The following THNSL1 variants were observed in gnomAD, a reference collection of about 807,000 sequenced individuals.
THNSL1 encodes the protein threonine synthase like 1.
A neutral mutation model predicts 50.4 loss-of-function variants in THNSL1; 48 were observed. The observed-to-expected ratio is 0.95, with a 90% CI of 0.76 to 1.21. The LOEUF is 1.21. THNSL1 is among the 50% of genes most tolerant of loss of function. THNSL1 has a pLI of 0.00. For missense variants in THNSL1, 896 were observed against 871.7 expected, an observed-to-expected ratio of 1.03 and a Z score of -0.35; for synonymous variants, 309 against 306.1, an observed-to-expected ratio of 1.01 and a Z score of -0.10.
chr10:24,956,073 A>T, the THNSL1 span, among the ~76,000 whole-genome samples: 2 of 152,332 alleles, frequency 1.3e-5, no homozygotes, highest in East Asian at 1.9e-4. Context: ...AATTATTAAA[A>T]TAATGAGATT....
the THNSL1 span, among the ~76,000 whole-genome samples, chr10:24,958,071 C>G: frequency 6.6e-6 from 1 of 152,128 alleles, no homozygotes; most frequent in Admixed American, 6.5e-5. Flanking sequence ...TGAATTGTTC[C>G]TAGCCCGTCA....
At chr10:24,952,759 C>G in the THNSL1 span, among the ~76,000 whole-genome samples, 1 of 151,658 alleles carries the variant, frequency 6.6e-6, no homozygotes, top group South Asian at 2.1e-4. This position sits in a 1 kb window ranked among gnomAD's most constrained non-coding sequence, Gnocchi z 5.1. Context: ...TCCATGGCCC[C>G]GGCGCTGCGC....
chr10:25,024,918 T>TA lies in THNSL1; in HGVS notation c.1696dup (p.Ile566AsnfsTer16). On this transcript the variant is annotated frameshift_variant, in exon 3 of 3. Transcript: ENST00000376356. LOFTEE classifies it high-confidence loss of function. The stretch of plus-strand genomic sequence containing the variant: ...CACAAACCTTTTCACCGTCAATAGA[T>TA]ATTCTCAAATCTTCAAACCTAGAAC... 6.2e-7 allele frequency: 1 copy of TA among 1,613,940 alleles called. No individual in the cohort carries two copies. Among genetic ancestry groups the TA allele is most frequent in the East Asian group, 2.2e-5 (1 of 44,882 alleles).
the THNSL1 span, among the ~76,000 whole-genome samples, chr10:25,011,608 T>C: frequency 6.6e-6 from 1 of 152,130 alleles, no homozygotes; most frequent in Non-Finnish European, 1.5e-5. Context: ...ACTTAAACGT[T>C]AGACCTGCAA....
chr10:25,003,409 G>A, the THNSL1 span, among the ~76,000 whole-genome samples: 3 of 152,138 alleles, frequency 2.0e-5, no homozygotes, highest in Non-Finnish European at 2.9e-5. Context: ...GTTTTACCAC[G>A]TTGGCCAGGC....
rs1362376145 is a variant in THNSL1 at position 25,023,938 on chromosome 10, C to T, written c.715C>T (p.Pro239Ser). The change falls in exon 3 of 3, where the codon CCT (proline) becomes TCT (serine). Residue 239 changes from proline (P) to serine (S), a missense_variant. Coordinates refer to ENST00000376356, the MANE Select transcript of THNSL1 (RefSeq NM_024838.5). ...ETFISTRHVW[P>S]EDCEQKVSAK... ...ATTCATTTCAACAAGACACGTTTGG[C>T]CTGAAGACTGTGAACAGAAGGTTTC... The T allele has an allele frequency of 1.2e-6, 2 of 1,614,016 alleles. No individual in the cohort carries two copies. The highest frequency in any genetic ancestry group is 1.3e-5 in the African/African-American group (1 of 74,922).
chr10:25,006,850 T>G, the THNSL1 span, among the ~76,000 whole-genome samples: 1 of 152,212 alleles, frequency 6.6e-6, no homozygotes, highest in Non-Finnish European at 1.5e-5. Context: ...CAGCCCTTGT[T>G]TTTCCTCATT....
upstream of THNSL1, among the ~76,000 whole-genome samples, chr10:25,013,099 G>T (rs1183059388): frequency 6.6e-6 from 1 of 152,190 alleles, no homozygotes; most frequent in African/African-American, 2.4e-5. Context: ...CTGCCACCAT[G>T]TAAGATGTGA....
At chr10:25,004,177 C>T in the THNSL1 span, among the ~76,000 whole-genome samples, 5 of 152,298 alleles carry the variant, frequency 3.3e-5, no homozygotes, top group South Asian at 1.0e-3. Context: ...CAGTCTATCA[C>T]TGATGGGCAT....
At chr10:24,964,040 A>G in the THNSL1 span, among the ~76,000 whole-genome samples, 4,679 of 152,350 alleles carry the variant, frequency 0.031, 104 homozygotes, top group South Asian at 0.07. Flanking sequence ...TTGGAGCTCC[A>G]TGATTCTTTG....
chr10:25,013,806 G>A (rs12773928), upstream of THNSL1, among the ~76,000 whole-genome samples: 17,889 of 152,120 alleles, frequency 0.12, 1,346 homozygotes, highest in South Asian at 0.21. Context: ...GCCAGGCATG[G>A]TAGCAGGGAC....
chr10:25,004,013 C>T, the THNSL1 span, among the ~76,000 whole-genome samples: 1 of 152,230 alleles, frequency 6.6e-6, no homozygotes, highest in African/African-American at 2.4e-5. Flanking sequence ...GGACTCTGAA[C>T]TCTGGAGACT....
At chr10:25,009,247 G>C in the THNSL1 span, among the ~76,000 whole-genome samples, 2 of 149,744 alleles carry the variant, frequency 1.3e-5, no homozygotes, top group East Asian at 3.9e-4. Flanking sequence ...CTAAACCTTA[G>C]AGTATAATAA....
upstream of THNSL1, among the ~76,000 whole-genome samples, chr10:25,013,834 C>T (rs1055820839): frequency 5.9e-5 from 9 of 151,752 alleles, no homozygotes; most frequent in Non-Finnish European, 7.4e-5. Context: ...CCCAGCTACT[C>T]GGGAGGCTGA....
At chr10:25,007,484 G>C in the THNSL1 span, among the ~76,000 whole-genome samples, 1 of 152,144 alleles carries the variant, frequency 6.6e-6, no homozygotes, top group African/African-American at 2.4e-5. Context: ...ACCCAGGCTG[G>C]AGTGCAGAGG....
At chr10:24,970,488 T>C in the THNSL1 span, among the ~76,000 whole-genome samples, 1 of 151,704 alleles carries the variant, frequency 6.6e-6, no homozygotes, top group Non-Finnish European at 1.5e-5. Context: ...GGCAGGAAGA[T>C]CACTTGAGGC....
rs770192962 is a variant in THNSL1, at chr10:25,023,906, C to T, written c.683C>T (p.Ser228Leu). ...NAIKRYQDVD[S>L]ETFISTRHVW... is the part of the protein sequence containing the mutation. Reference sequence around the variant, plus strand: ...ATTAAAAGATACCAAGATGTGGACTCGGAAACATTCATTTCAACAAGACAC... The same window carrying T: ...ATTAAAAGATACCAAGATGTGGACTTGGAAACATTCATTTCAACAAGACAC... The change falls in exon 3 of 3, where the codon TCG becomes TTG. Residue 228 changes from serine to leucine, a missense_variant. Ser to Leu is a moderately radical substitution (Grantham distance 145, BLOSUM62 -2). Transcript: ENST00000376356. 2.4e-5 allele frequency: 39 copies of T among 1,613,990 alleles called. No individual in the cohort carries two copies. Among genetic ancestry groups the T allele is most frequent in the African/African-American group, 4.0e-5 (3 of 74,918 alleles).
At chr10:24,953,029 CCTT>C in the THNSL1 span, among the ~76,000 whole-genome samples, 1 of 152,098 alleles carries the variant, frequency 6.6e-6, no homozygotes, top group African/African-American at 2.4e-5. Flanking sequence ...CTAACAATCT[CCTT>C]GACTCCTCCC....
chr10:24,995,822 TCAA>T, the THNSL1 span: 1 of 1,613,562 alleles, frequency 6.2e-7, no homozygotes, highest in Admixed American at 1.7e-5. Context: ...TGATCAGTCT[TCAA>T]TGGCACAGCA....
Sources: gnomAD v4.1 joint callset for allele counts (sites outside exome capture counted in the v4.1 genomes callset) on GRCh38, gnomAD v4.1.1 for gene constraint, Gnocchi (gnomAD v3.1) non-coding constraint, MANE v1.5 for transcripts, NCBI Gene and HGNC (gene_info 2026-07-23, HGNC 2026-07-21) for gene names.